The following NCOA2 variants were observed in gnomAD, a reference collection of about 807,000 sequenced individuals.
NCOA2 encodes nuclear receptor coactivator 2, also known as class E basic helix-loop-helix protein 75.
A neutral mutation model predicts 145.1 loss-of-function variants in NCOA2; 21 were observed. The ratio of observed to expected loss-of-function variants is 0.14; its 90% confidence interval spans 0.10 to 0.21. The LOEUF is 0.21. Among genes scored for constraint, NCOA2 ranks in the 10% least tolerant of loss-of-function variants. NCOA2 has a pLI of 1.00. For missense variants in NCOA2, 1,472 were observed against 1,837.6 expected (o/e 0.80, Z 3.64); for synonymous variants, 619 against 637.5 (o/e 0.97, Z 0.44).
At chr8:70,456,187 T>C in the NCOA2 span, among the ~76,000 whole-genome samples, 7 of 152,024 alleles carry the variant, frequency 4.6e-5, no homozygotes, top group East Asian at 1.9e-4. Flanking sequence ...TCTGCACCTA[T>C]AAAAGGAGGG....
intron 2 of NCOA2, among the ~76,000 whole-genome samples, chr8:70,236,338 G>GT (rs1821601554): frequency 6.6e-6 from 1 of 151,884 alleles, no homozygotes. Context: ...TTTCTCAAAC[G>GT]TAATACAAGG....
intron 10 of NCOA2, among the ~76,000 whole-genome samples, chr8:70,158,936 A>G (rs1812577186): frequency 1.3e-5 from 2 of 151,812 alleles, no homozygotes; most frequent in Admixed American, 1.3e-4. Context: ...CTTAGTGCCA[A>G]CTGGGTTTTA....
chr8:70,286,836 G>C (rs1400146569), intron 2 of NCOA2, among the ~76,000 whole-genome samples: 2 of 152,130 alleles, frequency 1.3e-5, no homozygotes, highest in African/African-American at 4.8e-5. Context: ...GGAAATCTGA[G>C]AGAAAGGATG....
At chr8:70,147,110 T>TTG (rs1179524567) in intron 12 of NCOA2, among the ~76,000 whole-genome samples, 2 of 149,482 alleles carry the variant, frequency 1.3e-5, no homozygotes, top group Non-Finnish European at 1.5e-5. Flanking sequence ...TGCAAATCTT[T>TTG]CGCGCGCGCG....
In NCOA2 at chr8:70,319,539, A is replaced by AAAATAAAT. The variant is rs71558597; in HGVS notation, c.-76-22747_-76-22740dup. ...CATAGGCAACAGAGACCCTGTCTCA[A>AAAATAAAT]AAATAAATAAATAAATAAATAAATA... On this transcript the variant is annotated intron_variant, in intron 1 of 22. Coordinates refer to ENST00000452400, the MANE Select transcript of NCOA2 (RefSeq NM_006540.4). Among the ~76,000 whole-genome samples, 3,394 of 149,162 alleles carry AAAATAAAT rather than the reference A, an allele frequency of 0.023. 253 individuals are homozygous for AAAATAAAT. The East Asian group carries it at 0.29, about 13-fold the overall frequency.
chr8:70,387,092 G>A (rs891517513), intron 1 of NCOA2, among the ~76,000 whole-genome samples: 10 of 151,956 alleles, frequency 6.6e-5, no homozygotes, highest in Non-Finnish European at 1.2e-4. Flanking sequence ...TCGCTTTAAC[G>A]CCCGGTCTGG....
At chr8:70,417,819 G>GT in the NCOA2 span, among the ~76,000 whole-genome samples, 1 of 152,056 alleles carries the variant, frequency 6.6e-6, no homozygotes, top group African/African-American at 2.4e-5. Context: ...AGCCTTTTTC[G>GT]TATCTCCATT....
intron 2 of NCOA2, among the ~76,000 whole-genome samples, chr8:70,256,737 CTG>C (rs1209350197): frequency 6.6e-6 from 1 of 152,056 alleles, no homozygotes; most frequent in Admixed American, 6.5e-5. Context: ...CATGAGGAAA[CTG>C]TGGCACAGAA....
chr8:70,245,132 T>C (rs1822502225), intron 2 of NCOA2: 1 of 152,020 alleles, frequency 6.6e-6, no homozygotes, highest in Non-Finnish European at 1.5e-5. Flanking sequence ...CAATTAGCAA[T>C]AAATTTATTG....
chr8:70,185,843 C>G (rs1816009131), intron 4 of NCOA2, among the ~76,000 whole-genome samples: 1 of 152,104 alleles, frequency 6.6e-6, no homozygotes, highest in African/African-American at 2.4e-5. Context: ...TGTCTAGTCT[C>G]AAGTATTTTT....
chr8:70,428,997 A>T, the NCOA2 span, among the ~76,000 whole-genome samples: 2 of 152,208 alleles, frequency 1.3e-5, no homozygotes, highest in African/African-American at 4.8e-5. Context: ...GGCTGATGTC[A>T]ATATTTAACT....
At chr8:70,273,270 A>G (rs1825195489) in intron 2 of NCOA2, 2 of 204,994 alleles carry the variant, frequency 9.8e-6, no homozygotes, top group South Asian at 2.5e-4. Context: ...GGGAGCTGCC[A>G]TCTTGCATCC....
At chr8:70,130,326 T>C (rs746102378) in intron 16 of NCOA2, among the ~76,000 whole-genome samples, 26 of 152,106 alleles carry the variant, frequency 1.7e-4, no homozygotes, top group Non-Finnish European at 2.6e-4. Flanking sequence ...TGAGACAAAA[T>C]AGAAATAACA....
At chr8:70,438,465 C>T in the NCOA2 span, among the ~76,000 whole-genome samples, 2 of 151,942 alleles carry the variant, frequency 1.3e-5, no homozygotes, top group East Asian at 1.9e-4. Context: ...TTATACTGAC[C>T]TCACCAAAGC....
chr8:70,186,832 A>G (rs1478260169), intron 4 of NCOA2, among the ~76,000 whole-genome samples: 1 of 152,208 alleles, frequency 6.6e-6, no homozygotes, highest in Non-Finnish European at 1.5e-5. Context: ...AATTTGTAAA[A>G]ATGTGAATTT....
intron 1 of NCOA2, among the ~76,000 whole-genome samples, chr8:70,376,686 A>G (rs941654904): frequency 3.3e-5 from 5 of 152,096 alleles, no homozygotes; most frequent in African/African-American, 1.2e-4. Flanking sequence ...AAATTTCCAT[A>G]AAAATAGACC....
intron 1 of NCOA2, among the ~76,000 whole-genome samples, chr8:70,355,505 G>A (rs778392191): frequency 2.0e-5 from 3 of 152,088 alleles, no homozygotes; most frequent in Non-Finnish European, 4.4e-5. Flanking sequence ...CCAATCCATG[G>A]CCCAGGATGG....
At chr8:70,164,970 G>A (rs985076599) in intron 7 of NCOA2, among the ~76,000 whole-genome samples, 3 of 152,136 alleles carry the variant, frequency 2.0e-5, no homozygotes, top group East Asian at 3.9e-4. Flanking sequence ...GCAAACCTTC[G>A]GCAAAGCCAG....
intron 11 of NCOA2, among the ~76,000 whole-genome samples, chr8:70,155,704 T>C (rs993385839): frequency 2.0e-5 from 3 of 152,240 alleles, no homozygotes; most frequent in Non-Finnish European, 4.4e-5. Flanking sequence ...TTTGAATGGC[T>C]GTGACAGAGA....
Sources: gnomAD v4.1 joint callset for allele counts (sites outside exome capture counted in the v4.1 genomes callset) on GRCh38, gnomAD v4.1.1 for gene constraint, MANE v1.5 for transcripts, NCBI Gene and HGNC (gene_info 2026-07-23, HGNC 2026-07-21) for gene names.